Variants in DOCK9 observed in about 807,000 individuals in gnomAD.
The protein encoded by DOCK9 is dedicator of cytokinesis 9, also known as dedicator of cytokinesis protein 9.
DOCK9 carries 89 observed loss-of-function variants against 263.3 expected under a neutral mutation model. That is an observed-to-expected ratio of 0.34 (90% CI 0.28 to 0.40). The LOEUF (loss-of-function observed/expected upper bound fraction) is 0.40. DOCK9 is among the 10% of genes least tolerant of loss of function. The pLI, the probability that DOCK9 is intolerant of heterozygous loss-of-function variation, is 1.00. For missense variants in DOCK9, 2,140 were observed against 2,603.4 expected, an observed-to-expected ratio of 0.82 and a Z score of 3.87; for synonymous variants, 976 against 973.1, an observed-to-expected ratio of 1.00 and a Z score of -0.06.
chr13:98,822,948 T>C (rs951684898), intron 45 of DOCK9, among the ~76,000 whole-genome samples: 1 of 152,138 alleles, frequency 6.6e-6, no homozygotes, highest in Non-Finnish European at 1.5e-5. Context: ...TCAAGACCCC[T>C]TCGTAGATTT....
At chr13:99,017,020 C>G (rs1191058970) in intron 1 of DOCK9, among the ~76,000 whole-genome samples, 1 of 152,076 alleles carries the variant, frequency 6.6e-6, no homozygotes, top group Non-Finnish European at 1.5e-5. Flanking sequence ...CCACAGAAAA[C>G]CAAAAATCTA....
At chr13:98,897,242 T>A (rs567892397) in intron 15 of DOCK9, among the ~76,000 whole-genome samples, 10 of 152,302 alleles carry the variant, frequency 6.6e-5, no homozygotes, top group Admixed American at 5.9e-4. Context: ...CACCATAGGC[T>A]CATCCTTACC....
At chr13:98,846,577 G>C in intron 37 of DOCK9, 1 of 1,351,576 alleles carries the variant, frequency 7.4e-7, no homozygotes, top group Non-Finnish European at 9.8e-7. Context: ...GTCAAGTAGA[G>C]AAAACAGAAG....
intron 1 of DOCK9, among the ~76,000 whole-genome samples, chr13:99,000,114 A>G (rs965694279): frequency 1.3e-5 from 2 of 152,216 alleles, no homozygotes; most frequent in African/African-American, 4.8e-5. Context: ...TAAAAGCAAG[A>G]TGACCTGATC....
rs1434143513 is a variant in DOCK9, at chr13:98,845,276, G to C, written c.4198+648C>G. 7.8e-6 allele frequency: 10 copies of C among 1,284,890 alleles called. No individual in the cohort carries two copies. The South Asian group carries it at 1.2e-4, about 16-fold the overall frequency. 79.6% of individuals were successfully genotyped at this position (1,284,890 alleles called of 1,614,324 possible). ...GGCAAGATGAACAAAAAGGGTCTTG[G>C]CTTGCAAGTGAAGCAACCTCATAAA... On this transcript the variant is annotated intron_variant, in intron 38 of 52. Coordinates refer to ENST00000682017, the MANE Select transcript of DOCK9 (RefSeq NM_001366683.2).
At chr13:98,843,354 G>A (rs1049309728) in intron 38 of DOCK9, among the ~76,000 whole-genome samples, 4 of 151,908 alleles carry the variant, frequency 2.6e-5, no homozygotes, top group Non-Finnish European at 4.4e-5. Context: ...AAACAAACAT[G>A]TACATATATA....
At chr13:98,989,507 C>A (rs183729553) in intron 1 of DOCK9, among the ~76,000 whole-genome samples, 6 of 152,136 alleles carry the variant, frequency 3.9e-5, no homozygotes, top group African/African-American at 1.4e-4. Flanking sequence ...ACCCATGTTT[C>A]GGAATCACTG....
At chr13:99,010,854 T>C (rs1473226871) in intron 1 of DOCK9, among the ~76,000 whole-genome samples, 1 of 152,222 alleles carries the variant, frequency 6.6e-6, no homozygotes, top group African/African-American at 2.4e-5. Context: ...GAGCCATCCT[T>C]AGTGATGGTA....
At chr13:98,896,493 A>C (rs567289589) in intron 15 of DOCK9, among the ~76,000 whole-genome samples, 4,955 of 152,044 alleles carry the variant, frequency 0.033, 125 homozygotes, top group Middle Eastern at 0.092. Flanking sequence ...TATGCACAAA[A>C]AAAAAAAAAA....
chr13:98,808,577 C>A (rs1378854687), intron 47 of DOCK9: 9 of 1,120,102 alleles, frequency 8.0e-6, no homozygotes, highest in African/African-American at 7.7e-5. Context: ...CCACATCAAA[C>A]TAGGAGTTTA....
chr13:98,838,416 C>T (rs900387534), intron 38 of DOCK9, among the ~76,000 whole-genome samples: 1 of 152,132 alleles, frequency 6.6e-6, no homozygotes, highest in African/African-American at 2.4e-5. Flanking sequence ...TCAGCAAGCT[C>T]GTGAATGATA....
At chr13:98,876,594 A>G (rs765598758) in intron 27 of DOCK9, among the ~76,000 whole-genome samples, 2 of 152,278 alleles carry the variant, frequency 1.3e-5, no homozygotes, top group African/African-American at 4.8e-5. Flanking sequence ...GTGAATATTC[A>G]TAAATTCAGA....
chr13:99,032,190 G>A (rs1053638412), intron 1 of DOCK9, among the ~76,000 whole-genome samples: 1 of 152,158 alleles, frequency 6.6e-6, no homozygotes, highest in Non-Finnish European at 1.5e-5. Flanking sequence ...CTGATTCCAG[G>A]CTGGGTGCGG....
At chr13:98,875,331 T>C (rs1261209255) in intron 27 of DOCK9, among the ~76,000 whole-genome samples, 30 of 152,228 alleles carry the variant, frequency 2.0e-4, no homozygotes, top group Non-Finnish European at 1.5e-5. Flanking sequence ...GTATAGTGTT[T>C]ACAAATTTGG....
At chr13:98,950,286 G>T in intron 2 of DOCK9, 1 of 759,178 alleles carries the variant, frequency 1.3e-6, no homozygotes. Context: ...AATCATATAG[G>T]AATGATTCCA....
At chr13:98,843,569 A>G (rs913560) in intron 38 of DOCK9, among the ~76,000 whole-genome samples, 74,125 of 152,060 alleles carry the variant, frequency 0.49, 18,416 homozygotes, top group East Asian at 0.67. Context: ...ACCAATTCGG[A>G]ATGAGCAGGA....
At chr13:99,086,482 C>G (rs1321435338) in exon 1 of DOCK9, 40 of 509,076 alleles carry the variant, frequency 7.9e-5, no homozygotes, top group Non-Finnish European at 9.8e-5. Context: ...CTGCTCCCCC[C>G]GCTGCTCGCC....
chr13:98,863,444 C>T lies in DOCK9; in HGVS notation c.3391G>A (p.Val1131Ile). 6.2e-7 allele frequency: 1 copy of T among 1,613,924 alleles called. No homozygotes were observed. The highest frequency in any genetic ancestry group is 8.5e-7 in the Non-Finnish European group (1 of 1,179,886). The change falls in exon 31 of 53, where the codon GTC becomes ATC. Residue 1131 changes from valine to isoleucine, a missense_variant. This residue lies in a region of DOCK9 where 1,521 missense variants were observed against 1,741.7 expected (regional missense o/e 0.87). Transcript: ENST00000682017. The stretch of plus-strand genomic sequence containing the variant: ...AGCACACTGATGGCGATCAGACGGA[C>T]CTCCCGGAACTCCTGGAGGGCTGTC... Reference protein sequence around the residue: ...VGTALQEFREVRLIAISVLKN... With the variant: ...VGTALQEFREIRLIAISVLKN...
chr13:98,902,235 G>T (rs538467303), intron 12 of DOCK9, 53 bp downstream of exon 12: 13 of 1,583,538 alleles, frequency 8.2e-6, no homozygotes, highest in South Asian at 2.3e-5. Context: ...GTGCATTTAG[G>T]TAGCATGCAA....
Sources: allele counts gnomAD v4.1 joint callset (sites outside exome capture counted in the v4.1 genomes callset), GRCh38; gene constraint gnomAD v4.1.1; regional missense constraint gnomAD v4.1.1; transcripts MANE v1.5; gene names NCBI Gene and HGNC (gene_info 2026-07-23, HGNC 2026-07-21).